The following CMPK2 variants were observed in gnomAD, a reference collection of about 807,000 sequenced individuals.
CMPK2 encodes the protein cytidine/uridine monophosphate kinase 2, also known as UMP-CMP kinase 2, mitochondrial.
In CMPK2, 32 loss-of-function variants were observed where a neutral mutation model predicts 33.4. That is an observed-to-expected ratio of 0.96 (90% CI 0.72 to 1.29). The LOEUF is 1.29. Among genes scored for constraint, CMPK2 ranks in the 50% most tolerant of loss-of-function variants. CMPK2 has a pLI of 0.00. For synonymous variants in CMPK2, 299 were observed against 275.3 expected (o/e 1.09, Z -0.85); for missense variants, 672 against 616.0 (o/e 1.09, Z -0.96).
chr2:6,855,568 T>C (rs1452764301), intron 3 of CMPK2, among the ~76,000 whole-genome samples: 1 of 152,192 alleles, frequency 6.6e-6, no homozygotes, highest in African/African-American at 2.4e-5. Context: ...ATGTTAACAA[T>C]AGGGCAAAAA....
intron 3 of CMPK2, among the ~76,000 whole-genome samples, chr2:6,860,615 C>T (rs776714183): frequency 2.6e-5 from 4 of 152,186 alleles, no homozygotes; most frequent in Non-Finnish European, 4.4e-5. Context: ...GCCTCCCCAG[C>T]CCCATGGAAC....
chr2:6,858,321 T>C (rs1261557431), intron 3 of CMPK2, among the ~76,000 whole-genome samples: 1 of 152,210 alleles, frequency 6.6e-6, no homozygotes, highest in Non-Finnish European at 1.5e-5. Flanking sequence ...CTTTGATTTT[T>C]CCTCTTCCCT....
intron 3 of CMPK2, among the ~76,000 whole-genome samples, chr2:6,841,961 A>G (rs1429773976): frequency 1.3e-5 from 2 of 152,136 alleles, no homozygotes; most frequent in Non-Finnish European, 2.9e-5. Context: ...GAATCCATAT[A>G]TATGTTAACT....
At position 6,865,315 on chromosome 2, in the gene CMPK2, G is replaced by A; in HGVS notation, c.382C>T (p.Gln128Ter). Reference sequence around the variant, plus strand: ...GGGTCGCGCAGCAGGAAGCCTTGCTGTGCGCCGCCGGCCTGGCCGCCCGGG... The same window carrying A: ...GGGTCGCGCAGCAGGAAGCCTTGCTATGCGCCGCCGGCCTGGCCGCCCGGG... Reference protein sequence around the residue: ...YCPGGQAGGAQQGFLLRDPLD... With the variant: ...YCPGGQAGGA The change falls in exon 1 of 5, where the codon CAG becomes TAG. Residue 128 changes from glutamine to a stop codon, truncating the protein, a stop_gained. Coordinates refer to ENST00000256722, the MANE Select transcript of CMPK2 (RefSeq NM_207315.4). LOFTEE classifies it high-confidence loss of function. The A allele has an allele frequency of 6.6e-7, 1 of 1,505,168 alleles. No individual in the cohort carries two copies. The highest frequency in any genetic ancestry group is 8.8e-7 in the Non-Finnish European group (1 of 1,134,846). The allele number at this position is 1,505,168 out of a possible 1,614,324, so 93.2% of individuals were successfully genotyped here.
At chr2:6,841,331 C>A (rs958515751) in intron 3 of CMPK2, among the ~76,000 whole-genome samples, 1 of 152,168 alleles carries the variant, frequency 6.6e-6, no homozygotes, top group African/African-American at 2.4e-5. Flanking sequence ...ATTTGCCAGT[C>A]CTCCCCTGGG....
chr2:6,849,297 G>C lies in CMPK2; in HGVS notation c.*553C>G, dbSNP rs1251297999. On this transcript the variant is annotated 3_prime_UTR_variant, in exon 5 of 5. Transcript: ENST00000256722. ...TCCTTACCCAAAAATGGCTCTGCAG[G>C]AGTGTCCTTGGGCAGCCAGGACACA... The C allele has an allele frequency of 1.0e-6, 1 of 985,380 alleles. No individual in the cohort carries two copies. The highest frequency in any genetic ancestry group is 1.2e-6 in the Non-Finnish European group (1 of 830,014). 61.0% of individuals were successfully genotyped at this position (985,380 alleles called of 1,614,324 possible).
Position 6,865,404 on chromosome 2 carries a change from A to T in CMPK2, c.293T>A (p.Leu98Gln). ...RVRAARLHQR[L>Q]LHQLRRGPFQ... Reference sequence around the variant, plus strand: ...GGGGCCGCGGCGCAGCTGGTGCAGCAGGCGCTGGTGCAGCCGCGCCGCCCG... The same window carrying T: ...GGGGCCGCGGCGCAGCTGGTGCAGCTGGCGCTGGTGCAGCCGCGCCGCCCG... The change falls in exon 1 of 5, where the codon CTG becomes CAG. Residue 98 changes from leucine to glutamine, a missense_variant. Physicochemically the swap from Leu to Gln is moderately radical, Grantham distance 113 (BLOSUM62 -2). Coordinates refer to ENST00000256722, the MANE Select transcript of CMPK2 (RefSeq NM_207315.4). 7.4e-7 allele frequency: 1 copy of T among 1,348,324 alleles called. No homozygotes were observed. Among genetic ancestry groups the T allele is most frequent in the Non-Finnish European group, 9.4e-7 (1 of 1,058,596 alleles). 83.5% of individuals were successfully genotyped at this position (1,348,324 alleles called of 1,614,324 possible).
At chr2:6,857,704 A>G (rs2084493) in intron 3 of CMPK2, among the ~76,000 whole-genome samples, 141,719 of 148,456 alleles carry the variant, frequency 0.95, 67,983 homozygotes, top group East Asian at 1. Flanking sequence ...GCATGATCTC[A>G]GCTCACTGCA....
intron 2 of CMPK2, among the ~76,000 whole-genome samples, 179 bp from the exon 3 acceptor site, chr2:6,861,564 A>G (rs1572143095): frequency 6.6e-6 from 1 of 152,234 alleles, no homozygotes; most frequent in South Asian, 2.1e-4. Context: ...GGTATTAGGA[A>G]ACCCGGAGGA....
At chr2:6,854,493 G>A (rs983259905) in intron 3 of CMPK2, among the ~76,000 whole-genome samples, 3 of 152,154 alleles carry the variant, frequency 2.0e-5, no homozygotes, top group African/African-American at 7.2e-5. Flanking sequence ...AGGTGATACA[G>A]CATTTCTTTA....
In CMPK2 at chr2:6,863,452, A is replaced by G. The variant is rs997610888; in HGVS notation, c.790+12T>C. On this transcript the variant is annotated intron_variant, in intron 2 of 4. Transcript: ENST00000256722. ...TGTCATTGCCTATAACTAAAAGGTAATATTATCTTACCCGTGGCATCCAGT... is the reference window on the plus strand; with the variant it reads ...TGTCATTGCCTATAACTAAAAGGTAGTATTATCTTACCCGTGGCATCCAGT... 6.2e-7 allele frequency: 1 copy of G among 1,605,986 alleles called. No individual in the cohort carries two copies. The highest frequency in any genetic ancestry group is 1.3e-5 in the African/African-American group (1 of 74,646).
In CMPK2 at chr2:6,848,620, T is replaced by C; in HGVS notation, c.*1230A>G. 1 of 965,536 alleles carries C rather than the reference T, an allele frequency of 1.0e-6. No individual in the cohort carries two copies. The highest frequency in any genetic ancestry group is 1.2e-6 in the Non-Finnish European group (1 of 811,582). The allele number at this position is 965,536 out of a possible 1,614,324, so 59.8% of individuals were successfully genotyped here. On this transcript the variant is annotated 3_prime_UTR_variant, in exon 5 of 5. Transcript: ENST00000256722. Reference sequence around the variant, plus strand: ...GAATTTAAGATTCTATATGCAGACCTGATAAAGCCTTAAATTTAATTATTT... The same window carrying C: ...GAATTTAAGATTCTATATGCAGACCCGATAAAGCCTTAAATTTAATTATTT...
In CMPK2 at chr2:6,851,187, C is replaced by T. The variant is rs559096604; in HGVS notation, c.1226+263G>A. 4 of 1,281,602 alleles carry T rather than the reference C, an allele frequency of 3.1e-6. No homozygotes were observed. In the Admixed American group the frequency reaches 1.0e-4, roughly 32 times the overall value. 79.4% of individuals were successfully genotyped at this position (1,281,602 alleles called of 1,614,324 possible). A position where few individuals can be genotyped will look rare whatever the true frequency, so the allele number is the denominator to read the frequency against. ...GGCACAGAGACACTTACTGTCTTAC[C>T]CAGGTGCAGCTGCTCCTAGCACAGC... is the stretch of plus-strand genomic sequence containing the variant. On this transcript the variant is annotated intron_variant, in intron 4 of 4. Transcript: ENST00000256722.
rs558600672 is a variant in CMPK2 at position 6,849,007 on chromosome 2, A to G, written c.*843T>C. ...ATGAATCATAGCTCCTATGCTGAGG[A>G]AACATATTATGTATAGATTAATATA... On this transcript the variant is annotated 3_prime_UTR_variant, in exon 5 of 5. Coordinates refer to ENST00000256722, the MANE Select transcript of CMPK2 (RefSeq NM_207315.4). 2.0e-6 allele frequency: 2 copies of G among 984,270 alleles called. No individual in the cohort carries two copies. Among genetic ancestry groups the G allele is most frequent in the South Asian group, 9.4e-5 (2 of 21,250 alleles). 61.0% of individuals were successfully genotyped at this position (984,270 alleles called of 1,614,324 possible).
Position 6,848,925 on chromosome 2 carries a change from T to C in CMPK2, c.*925A>G, listed in dbSNP as rs567563610. ...TATTTAACAAGACAAATTAAGTTTG[T>C]GTAATGAAAATACACAACAAACATT... On this transcript the variant is annotated 3_prime_UTR_variant, in exon 5 of 5. Coordinates refer to ENST00000256722, the MANE Select transcript of CMPK2 (RefSeq NM_207315.4). 2.0e-6 allele frequency: 2 copies of C among 985,850 alleles called. No homozygotes were observed. The highest frequency in any genetic ancestry group is 1.7e-5 in the African/African-American group (1 of 57,380). 61.1% of individuals were successfully genotyped at this position (985,850 alleles called of 1,614,324 possible).
chr2:6,843,403 G>C (rs1386177882), downstream of CMPK2, among the ~76,000 whole-genome samples: 1 of 152,124 alleles, frequency 6.6e-6, no homozygotes, highest in Non-Finnish European at 1.5e-5. Context: ...GTGTTACAAG[G>C]GTTGTTGCAA....
At chr2:6,850,589 A>C (rs112755306) in intron 4 of CMPK2, 12,145 of 297,122 alleles carry the variant, frequency 0.041, 270 homozygotes, top group African/African-American at 0.058. Context: ...AATTGGTCAA[A>C]TCTCTTCTCC....
chr2:6,865,604 G>A lies in CMPK2; in HGVS notation c.93C>T (p.Arg31=). ...AGTCGGGAAGCTCCAGGACGAAGCG[G>A]CGCGGCGGAGCCATGGCCCCAGCGC... ...GVCAGAMAPP[R]RFVLELPDCT... Residue 31 remains arginine, a synonymous_variant, in exon 1 of 5, where the codon CGC becomes CGT. Coordinates refer to ENST00000256722, the MANE Select transcript of CMPK2 (RefSeq NM_207315.4). 1.4e-6 allele frequency: 2 copies of A among 1,394,204 alleles called. No homozygotes were observed. The highest frequency in any genetic ancestry group is 1.9e-6 in the Non-Finnish European group (2 of 1,074,032). 86.4% of individuals were successfully genotyped at this position (1,394,204 alleles called of 1,614,324 possible).
chr2:6,851,684 C>T lies in CMPK2; in HGVS notation c.993-1G>A, dbSNP rs1662531397. On this transcript the variant is annotated splice_acceptor_variant, in intron 3 of 4. Coordinates refer to ENST00000256722, the MANE Select transcript of CMPK2 (RefSeq NM_207315.4). LOFTEE classifies it high-confidence loss of function. ...ATAGGTGGCCGTGCTGTGCCAGTAC[C>T]TGAGAAGGAATGGGGTAGTGAGTTC... 2 of 1,613,720 alleles carry T rather than the reference C, an allele frequency of 1.2e-6. No individual in the cohort carries two copies. Among genetic ancestry groups the T allele is most frequent in the East Asian group, 2.2e-5 (1 of 44,886 alleles).
Sources: allele counts gnomAD v4.1 joint callset (sites outside exome capture counted in the v4.1 genomes callset), GRCh38; gene constraint gnomAD v4.1.1; transcripts MANE v1.5; gene names NCBI Gene and HGNC (gene_info 2026-07-23, HGNC 2026-07-21).